The following CAV1 variants were observed in gnomAD, a reference collection of about 807,000 sequenced individuals.
The protein encoded by CAV1 is caveolin 1.
A neutral mutation model predicts 16.5 loss-of-function variants in CAV1; 10 were observed. The observed-to-expected ratio is 0.61, with a 90% CI of 0.37 to 1.03. CAV1 has a LOEUF of 1.03. CAV1 is among the 50% of genes least tolerant of loss of function. The pLI is 0.01. For missense variants in CAV1, 212 were observed against 232.8 expected, an observed-to-expected ratio of 0.91 and a Z score of 0.58; for synonymous variants, 76 against 85.1, an observed-to-expected ratio of 0.89 and a Z score of 0.59.
intron 2 of CAV1, among the ~76,000 whole-genome samples, chr7:116,547,919 C>T (rs556721960): frequency 2.0e-5 from 3 of 152,176 alleles, no homozygotes; most frequent in Non-Finnish European, 2.9e-5. Flanking sequence ...GATGAGATAA[C>T]CCTGATGAGC....
At chr7:116,553,821 G>T (rs182291548) in intron 2 of CAV1, among the ~76,000 whole-genome samples, 2 of 152,162 alleles carry the variant, frequency 1.3e-5, no homozygotes, top group South Asian at 4.1e-4. Flanking sequence ...TGAACAATGA[G>T]CCCATTAGAG....
At chr7:116,547,946 C>T (rs1364568535) in intron 2 of CAV1, among the ~76,000 whole-genome samples, 1 of 152,208 alleles carries the variant, frequency 6.6e-6, no homozygotes, top group Non-Finnish European at 1.5e-5. Context: ...TCGAACCCAG[C>T]CTCCATGCTA....
intron 2 of CAV1, among the ~76,000 whole-genome samples, chr7:116,537,060 G>T (rs1562831237): frequency 6.8e-6 from 1 of 146,058 alleles, no homozygotes; most frequent in African/African-American, 2.5e-5. Context: ...CATGTCTCTT[G>T]TTGGTCATTA....
intron 1 of CAV1, chr7:116,525,929 C>A: frequency 1.3e-6 from 1 of 783,134 alleles, no homozygotes; most frequent in Non-Finnish European, 1.6e-6. Context: ...CAAGAGAGGG[C>A]CGAGGCAGGG....
intron 2 of CAV1, among the ~76,000 whole-genome samples, chr7:116,558,497 C>A (rs1383759685): frequency 6.6e-6 from 1 of 151,638 alleles, no homozygotes; most frequent in Non-Finnish European, 1.5e-5. Context: ...CCTATTATAC[C>A]AACTCCTCAG....
At chr7:116,555,604 G>GAGAGAGAGAGAGAA (rs1554357959) in intron 2 of CAV1, among the ~76,000 whole-genome samples, 2 of 73,368 alleles carry the variant, frequency 2.7e-5, no homozygotes, top group Admixed American at 1.5e-4. Context: ...AAGAAAGAAA[G>GAGAGAGAGAGAGAA]AGAAAGAAAG....
chr7:116,543,228 C>G (rs1793975024), intron 2 of CAV1, among the ~76,000 whole-genome samples: 1 of 152,208 alleles, frequency 6.6e-6, no homozygotes, highest in Non-Finnish European at 1.5e-5. Flanking sequence ...GACCAGTATT[C>G]ATACAAGAGT....
chr7:116,533,368 A>AAAAT (rs1491207884), intron 2 of CAV1, among the ~76,000 whole-genome samples: 2 of 68,214 alleles, frequency 2.9e-5, no homozygotes, highest in African/African-American at 1.3e-4. Flanking sequence ...AAAATAAAAT[A>AAAAT]AAATAAAATA....
At chr7:116,530,208 C>CTTTTTTTTTTTTTTTTTTTTTTTTTTTT (rs3030806) in intron 2 of CAV1, among the ~76,000 whole-genome samples, 1 of 125,356 alleles carries the variant, frequency 8.0e-6, no homozygotes, top group Non-Finnish European at 1.6e-5. Flanking sequence ...GTCCTTTTTC[C>CTTTTTTTTTTTTTTTTTTTTTTTTTTTT]TTTTTTTTTT....
intron 2 of CAV1, among the ~76,000 whole-genome samples, chr7:116,553,151 C>G (rs1043701719): frequency 6.6e-6 from 1 of 152,110 alleles, no homozygotes; most frequent in Non-Finnish European, 1.5e-5. Context: ...AATAAAATGT[C>G]CAGATTTTGA....
intron 2 of CAV1, among the ~76,000 whole-genome samples, chr7:116,546,179 A>C (rs1584779242): frequency 6.6e-6 from 1 of 152,314 alleles, no homozygotes; most frequent in Middle Eastern, 3.4e-3. Context: ...GTAACACTCA[A>C]CATCAACATG....
intron 2 of CAV1, among the ~76,000 whole-genome samples, chr7:116,537,931 A>G (rs1323911335): frequency 1.3e-5 from 2 of 152,248 alleles, no homozygotes; most frequent in Non-Finnish European, 2.9e-5. Context: ...GACTAGAAAT[A>G]GAACCAGACA....
At chr7:116,556,704 G>T (rs1794300995) in intron 2 of CAV1, among the ~76,000 whole-genome samples, 1 of 152,168 alleles carries the variant, frequency 6.6e-6, no homozygotes, top group African/African-American at 2.4e-5. Flanking sequence ...GGAATCCTCT[G>T]CTCCCGGTAA....
At position 116,549,045 on chromosome 7, in the gene CAV1, T is replaced by C. The variant is rs574106967; in HGVS notation, c.196-9901T>C. 1.2e-4 allele frequency among the ~76,000 whole-genome samples: 19 copies of C among 152,284 alleles called. No homozygotes were observed. The East Asian group carries it at 3.5e-3, about 28-fold the overall frequency. On this transcript the variant is annotated intron_variant, in intron 2 of 2. Coordinates refer to ENST00000341049, the MANE Select transcript of CAV1 (RefSeq NM_001753.5). The stretch of plus-strand genomic sequence containing the variant: ...AGAAAACACAGTCACCTGAAGTCAT[T>C]CTAAAGAGTATGCCTGCCTCTTTTC...
intron 2 of CAV1, among the ~76,000 whole-genome samples, chr7:116,535,309 C>T (rs1793786620): frequency 6.6e-6 from 1 of 152,182 alleles, no homozygotes; most frequent in Non-Finnish European, 1.5e-5. Context: ...TCAGGCCTTT[C>T]CCTGATTCCT....
At chr7:116,532,687 G>A (rs1793709745) in intron 2 of CAV1, among the ~76,000 whole-genome samples, 3 of 152,192 alleles carry the variant, frequency 2.0e-5, no homozygotes, top group African/African-American at 7.2e-5. Context: ...ATGCTCAGAG[G>A]CAACCTGTTG....
At chr7:116,531,590 TTA>T (rs1231596019) in intron 2 of CAV1, among the ~76,000 whole-genome samples, 1 of 152,030 alleles carries the variant, frequency 6.6e-6, no homozygotes, top group African/African-American at 2.4e-5. Context: ...AGATTTATTT[TTA>T]TTATTATTAT....
chr7:116,531,957 T>C (rs1461196982), intron 2 of CAV1, among the ~76,000 whole-genome samples: 3 of 152,230 alleles, frequency 2.0e-5, no homozygotes, highest in Non-Finnish European at 4.4e-5. Context: ...CTATTATTCA[T>C]TCTTAAGCAT....
chr7:116,528,124 C>A (rs1584767705), intron 2 of CAV1, among the ~76,000 whole-genome samples: 1 of 131,872 alleles, frequency 7.6e-6, no homozygotes, highest in African/African-American at 2.9e-5. Context: ...AGGAGAGTTG[C>A]CAGGAAAAGA....
Sources: allele counts gnomAD v4.1 joint callset (sites outside exome capture counted in the v4.1 genomes callset), GRCh38; gene constraint gnomAD v4.1.1; transcripts MANE v1.5; gene names NCBI Gene and HGNC (gene_info 2026-07-23, HGNC 2026-07-21).